XIRP2: variants seen among roughly 807,000 people sequenced by gnomAD.
XIRP2 encodes the protein xin actin-binding repeat-containing protein 2.
Under a neutral mutation model 277.0 loss-of-function variants are expected in XIRP2, and 236 were observed. The ratio of observed to expected loss-of-function variants is 0.85; its 90% confidence interval spans 0.77 to 0.95. The LOEUF (loss-of-function observed/expected upper bound fraction) is 0.95, where lower values mean the gene tolerates loss of function less well. Among genes scored for constraint, XIRP2 ranks in the 40% least tolerant of loss-of-function variants. The probability of loss-of-function intolerance (pLI) is 0.00; values close to 1 mark genes in which losing one functional copy is unlikely to be tolerated. For synonymous variants in XIRP2, 1,490 were observed against 1,416.5 expected (o/e 1.05, Z -1.17); for missense variants, 4,640 against 4,157.5 (o/e 1.12, Z -3.19).
intron 4 of XIRP2, 99 bp downstream of exon 4, chr2:167,210,994 G>T: frequency 7.0e-7 from 1 of 1,434,086 alleles, no homozygotes; most frequent in Non-Finnish European, 9.4e-7. Flanking sequence ...TGGACAGGGG[G>T]CTAAAGTAGA....
intron 2 of XIRP2, among the ~76,000 whole-genome samples, chr2:167,061,622 T>G (rs563154526): frequency 3.9e-5 from 6 of 152,090 alleles, no homozygotes; most frequent in Non-Finnish European, 7.4e-5. Flanking sequence ...CAAGCAAAGA[T>G]GAAGTCATAC....
intron 2 of XIRP2, among the ~76,000 whole-genome samples, chr2:167,080,793 A>T (rs1273428426): frequency 6.6e-6 from 1 of 152,188 alleles, no homozygotes; most frequent in Non-Finnish European, 1.5e-5. Context: ...ATGGTGAGAA[A>T]TGTAGCCATT....
chr2:167,235,299 A>G (rs1302799507), intron 5 of XIRP2, among the ~76,000 whole-genome samples: 1 of 151,868 alleles, frequency 6.6e-6, no homozygotes, highest in Non-Finnish European at 1.5e-5. Flanking sequence ...TGCACTTTGT[A>G]AAGTGATTGA....
At chr2:167,196,650 C>G (rs759968307) in intron 3 of XIRP2, among the ~76,000 whole-genome samples, 1 of 152,106 alleles carries the variant, frequency 6.6e-6, no homozygotes, top group Non-Finnish European at 1.5e-5. Flanking sequence ...AGGCCCTGCA[C>G]TGCTGGTGAA....
chr2:167,026,268 G>A (rs2105494958), intron 2 of XIRP2, among the ~76,000 whole-genome samples: 1 of 152,158 alleles, frequency 6.6e-6, no homozygotes, highest in Non-Finnish European at 1.5e-5. Context: ...TCAGAGACTA[G>A]GATTGCAACC....
At chr2:167,115,709 G>A (rs1690879010) in intron 2 of XIRP2, among the ~76,000 whole-genome samples, 1 of 152,146 alleles carries the variant, frequency 6.6e-6, no homozygotes, top group South Asian at 2.1e-4. Context: ...AGGGACCACA[G>A]TTGGCAGTCA....
intron 2 of XIRP2, among the ~76,000 whole-genome samples, chr2:166,950,344 T>C (rs998556419): frequency 9.2e-5 from 14 of 152,066 alleles, no homozygotes; most frequent in African/African-American, 3.1e-4. Flanking sequence ...CCCATTATTA[T>C]ATCTGCCTTT....
chr2:166,912,341 G>A (rs975666932), intron 2 of XIRP2, among the ~76,000 whole-genome samples: 9 of 151,902 alleles, frequency 5.9e-5, no homozygotes, highest in Middle Eastern at 6.8e-3. Flanking sequence ...TTCTCTTCTC[G>A]CTTCATTTCA....
intron 5 of XIRP2, among the ~76,000 whole-genome samples, chr2:167,232,179 T>A (rs1483664728): frequency 6.6e-6 from 1 of 152,008 alleles, no homozygotes. Context: ...TACAACAGTA[T>A]CTTTTAGGCA....
intron 2 of XIRP2, among the ~76,000 whole-genome samples, chr2:166,984,336 A>G (rs573345834): frequency 1.2e-3 from 179 of 152,222 alleles, no homozygotes; most frequent in Non-Finnish European, 2.3e-3. Context: ...TTTGAAGAAG[A>G]CACAGTAGCC....
chr2:166,910,652 T>C (rs1040590609), intron 2 of XIRP2, among the ~76,000 whole-genome samples: 2 of 152,206 alleles, frequency 1.3e-5, no homozygotes, highest in African/African-American at 4.8e-5. Context: ...TGCCTTCTGC[T>C]AGCTTTTGAA....
intron 2 of XIRP2, among the ~76,000 whole-genome samples, chr2:167,053,371 T>C (rs1390783877): frequency 1.3e-5 from 2 of 152,208 alleles, no homozygotes; most frequent in African/African-American, 2.4e-5. Context: ...AAAAAGATAA[T>C]GTTCTCTTGT....
At chr2:166,947,284 T>C (rs1234956559) in intron 2 of XIRP2, among the ~76,000 whole-genome samples, 1 of 152,184 alleles carries the variant, frequency 6.6e-6, no homozygotes, top group Non-Finnish European at 1.5e-5. Flanking sequence ...TTTTTGAATC[T>C]TCCATGGGAA....
Position 167,145,674 on chromosome 2 carries a change from G to A in XIRP2, c.562+9612G>A, listed in dbSNP as rs118029634. Among the ~76,000 whole-genome samples, 39 of 152,296 alleles carry A rather than the reference G, an allele frequency of 2.6e-4. 1 individual carries two copies. In the East Asian group the frequency reaches 7.1e-3, roughly 28 times the overall value. On this transcript the variant is annotated intron_variant, in intron 3 of 10. Coordinates refer to ENST00000409195, the MANE Select transcript of XIRP2 (RefSeq NM_152381.6). Reference sequence around the variant, plus strand: ...ACTCAGGATGCTAGAAGGAAGCAGAGCAAAAAGTCTTCCATGAGACTGCAT... The same window carrying A: ...ACTCAGGATGCTAGAAGGAAGCAGAACAAAAAGTCTTCCATGAGACTGCAT...
intron 2 of XIRP2, among the ~76,000 whole-genome samples, chr2:166,942,774 T>G (rs1685754380): frequency 2.1e-5 from 3 of 144,558 alleles, no homozygotes; most frequent in East Asian, 1.9e-4. Flanking sequence ...CAGTATGAGG[T>G]TTTTTTTTAA....
In XIRP2 at chr2:167,063,094, C is replaced by G. The variant is rs1009417777; in HGVS notation, c.409-72815C>G. 4.6e-5 allele frequency among the ~76,000 whole-genome samples: 7 copies of G among 151,984 alleles called. No homozygotes were observed. The South Asian group carries it at 1.5e-3, about 32-fold the overall frequency. On this transcript the variant is annotated intron_variant, in intron 2 of 10. Transcript: ENST00000409195. ...AGCCTTTATTGCTTTAAATTTCCCTCTAAAAACTGCTTTAGCTACAATCTT... is the reference window on the plus strand; with the variant it reads ...AGCCTTTATTGCTTTAAATTTCCCTGTAAAAACTGCTTTAGCTACAATCTT...
chr2:167,153,554 C>A (rs1238543898), intron 3 of XIRP2, among the ~76,000 whole-genome samples: 1 of 151,846 alleles, frequency 6.6e-6, no homozygotes, highest in Non-Finnish European at 1.5e-5. Flanking sequence ...GCTATCCCTC[C>A]CCACTCCCCC....
rs1695144850 is a variant in XIRP2, at chr2:167,243,522, G to A, written c.2130G>A (p.Val710=). 1 of 1,613,908 alleles carries A rather than the reference G, an allele frequency of 6.2e-7. No individual in the cohort carries two copies. The highest frequency in any genetic ancestry group is 1.3e-5 in the African/African-American group (1 of 74,908). The change falls in exon 9 of 11, where the codon GTG becomes GTA. Residue 710 remains valine (V), a synonymous_variant. Transcript: ENST00000409195. ...HLDQLGQLHS[V]DEVHLLQLRS... is the part of the protein sequence containing the mutation. ...ATCAACTTGGACAGCTTCATTCAGT[G>A]GATGAGGTTCATTTACTGCAGCTTA...
At chr2:167,191,721 C>T (rs894140721) in intron 3 of XIRP2, among the ~76,000 whole-genome samples, 4 of 152,162 alleles carry the variant, frequency 2.6e-5, no homozygotes, top group African/African-American at 9.7e-5. Flanking sequence ...CTGGACACAT[C>T]ACTTTTCACT....
Sources: allele counts gnomAD v4.1 joint callset (sites outside exome capture counted in the v4.1 genomes callset), GRCh38; gene constraint gnomAD v4.1.1; transcripts MANE v1.5; gene names NCBI Gene and HGNC (gene_info 2026-07-23, HGNC 2026-07-21).